LRRK1: variants seen among roughly 807,000 people sequenced by gnomAD.
LRRK1 encodes the protein leucine-rich repeat serine/threonine-protein kinase 1.
A neutral mutation model predicts 209.1 loss-of-function variants in LRRK1; 113 were observed. The observed-to-expected ratio is 0.54, with a 90% confidence interval of 0.46 to 0.63. The LOEUF is 0.63. LRRK1 is among the 30% of genes least tolerant of loss of function. The pLI is 0.00. For missense variants in LRRK1, 2,284 were observed against 2,632.2 expected (o/e 0.87, Z 2.89); for synonymous variants, 1,144 against 1,099.7 (o/e 1.04, Z -0.80).
intron 1 of LRRK1, among the ~76,000 whole-genome samples, chr15:100,921,086 T>A (rs1023105093): frequency 1.3e-5 from 2 of 152,180 alleles, no homozygotes; most frequent in Non-Finnish European, 2.9e-5. Context: ...GTACTCCTTC[T>A]TTATCTGTTT....
chr15:100,979,093 C>A (rs2031460231), intron 3 of LRRK1, among the ~76,000 whole-genome samples: 2 of 152,136 alleles, frequency 1.3e-5, no homozygotes, highest in African/African-American at 2.4e-5. Flanking sequence ...CAGTTTCAAT[C>A]ATCAATCAAT....
In LRRK1 at chr15:101,022,927, T is replaced by C. The variant is rs934136576; in HGVS notation, c.2067+330T>C. On this transcript the variant is annotated intron_variant, in intron 15 of 33. Coordinates refer to ENST00000388948, the MANE Select transcript of LRRK1 (RefSeq NM_024652.6). The surrounding 1 kb of genome is among the most constrained non-coding windows in gnomAD (Gnocchi z 4.0). Reference sequence around the variant, plus strand: ...CCCTGTATGTTTCTGTTATAGTTACTTGAGGCTCTGGGACAGTGGTTCTTA... The same window carrying C: ...CCCTGTATGTTTCTGTTATAGTTACCTGAGGCTCTGGGACAGTGGTTCTTA... 6.6e-6 allele frequency among the ~76,000 whole-genome samples: 1 copy of C among 152,130 alleles called. No homozygotes were observed. The highest frequency in any genetic ancestry group is 1.5e-5 in the Non-Finnish European group (1 of 68,006).
intron 2 of LRRK1, among the ~76,000 whole-genome samples, chr15:100,941,300 C>CTGTGTG (rs2042403868): frequency 4.2e-5 from 2 of 48,002 alleles, no homozygotes; most frequent in Non-Finnish European, 7.1e-5. Flanking sequence ...CTGTGTGTGT[C>CTGTGTG]TATGTGTGTG....
At chr15:101,021,818 T>C in intron 13 of LRRK1, 27 bp from the exon 14 acceptor site, 1 of 1,343,948 alleles carries the variant, frequency 7.4e-7, no homozygotes, top group Non-Finnish European at 1.1e-6. Flanking sequence ...GTGTGTATTC[T>C]CTCGTGGTGG....
chr15:100,926,025 A>C (rs1481972573), intron 2 of LRRK1, among the ~76,000 whole-genome samples: 1 of 152,112 alleles, frequency 6.6e-6, no homozygotes, highest in Non-Finnish European at 1.5e-5. Context: ...CAGTTGTTTG[A>C]GTGTTTTCAC....
At chr15:101,046,212 C>A in intron 21 of LRRK1, 60 bp downstream of exon 21, 1 of 1,547,860 alleles carries the variant, frequency 6.5e-7, no homozygotes, top group Non-Finnish European at 8.8e-7. Flanking sequence ...AGTTGTACCA[C>A]TGGGGGAGGG....
At chr15:100,962,390 C>T (rs983434664) in intron 2 of LRRK1, among the ~76,000 whole-genome samples, 2 of 151,984 alleles carry the variant, frequency 1.3e-5, no homozygotes, top group African/African-American at 2.4e-5. Context: ...ATCGGCTGGG[C>T]GTGGTGGCAA....
chr15:100,969,359 T>A (rs66958482), intron 2 of LRRK1, among the ~76,000 whole-genome samples: 35,953 of 152,146 alleles, frequency 0.24, 4,659 homozygotes, highest in East Asian at 0.51. Flanking sequence ...GTTTTCTGTG[T>A]CCCATGTAAG....
intron 2 of LRRK1, among the ~76,000 whole-genome samples, chr15:100,925,121 A>G (rs575663281): frequency 2.7e-4 from 41 of 152,332 alleles, no homozygotes; most frequent in Non-Finnish European, 4.9e-4. Context: ...ACACAAGTAC[A>G]ATGAGCATCT....
Position 101,024,723 on chromosome 15 carries a change from GTTA to G in LRRK1, c.2068-78_2068-76del. ...CAGACCCCCGAGTCCAGCCTCCAGA[GTTA>G]TCCGTTGTCTCCGTTTGATTGACTG... On this transcript the variant is annotated intron_variant, in intron 15 of 33. Transcript: ENST00000388948. The surrounding 1 kb of genome is among the most constrained non-coding windows in gnomAD (Gnocchi z 4.6). 6.8e-7 allele frequency: 1 copy of G among 1,464,730 alleles called. No individual in the cohort carries two copies. The allele number at this position is 1,464,730 out of a possible 1,614,324, so 90.7% of individuals were successfully genotyped here. A position where few individuals can be genotyped will look rare whatever the true frequency, so the allele number is the denominator to read the frequency against.
chr15:100,958,372 A>G (rs1401672715), intron 2 of LRRK1, among the ~76,000 whole-genome samples: 1 of 152,158 alleles, frequency 6.6e-6, no homozygotes, highest in Admixed American at 6.5e-5. Context: ...TTCCACTGGT[A>G]TATACTGTCC....
At chr15:100,941,356 G>C (rs1487575660) in intron 2 of LRRK1, among the ~76,000 whole-genome samples, 2 of 115,918 alleles carry the variant, frequency 1.7e-5, no homozygotes, top group African/African-American at 7.1e-5. Flanking sequence ...CTTTGTGTGT[G>C]TGTGTGTGTG....
intron 12 of LRRK1, among the ~76,000 whole-genome samples, chr15:101,017,883 C>T (rs1567235639): frequency 2.0e-5 from 3 of 151,710 alleles, no homozygotes; most frequent in African/African-American, 4.8e-5. Context: ...AAACACGATA[C>T]TAGATTACAA....
intron 3 of LRRK1, among the ~76,000 whole-genome samples, chr15:100,981,145 A>G (rs1596231897): frequency 6.6e-6 from 1 of 152,292 alleles, no homozygotes; most frequent in Non-Finnish European, 1.5e-5. Flanking sequence ...AATTTTTTCA[A>G]ATACTCACTA....
At chr15:101,026,433 C>T (rs2034036820) in intron 17 of LRRK1, among the ~76,000 whole-genome samples, 1 of 152,252 alleles carries the variant, frequency 6.6e-6, no homozygotes, top group Non-Finnish European at 1.5e-5. Context: ...ACGTGGGCAC[C>T]ACCCAACCAA....
At chr15:100,986,138 C>G (rs1051798420) in intron 4 of LRRK1, among the ~76,000 whole-genome samples, 2 of 152,106 alleles carry the variant, frequency 1.3e-5, no homozygotes, top group African/African-American at 4.8e-5. Context: ...CCCAGGAGTC[C>G]AAGGCTGCAG....
chr15:101,058,343 G>A (rs906517907), intron 29 of LRRK1, among the ~76,000 whole-genome samples: 14 of 152,198 alleles, frequency 9.2e-5, no homozygotes, highest in African/African-American at 3.4e-4. Flanking sequence ...TGGTTTTGTG[G>A]TTAAGAGATG....
In LRRK1 at chr15:101,068,499, G is replaced by A. The variant is rs572929272; in HGVS notation, c.5871-172G>A. On this transcript the variant is annotated intron_variant, in intron 33 of 33. Transcript: ENST00000388948. The stretch of plus-strand genomic sequence containing the variant: ...TTTATAAAGCCTAAGCCCACAGGCT[G>A]GCCACTGGGGAGAAGTGGTGCATCT... Among the ~76,000 whole-genome samples the A allele has an allele frequency of 5.3e-5, 8 of 152,284 alleles. No individual in the cohort carries two copies. The South Asian group carries it at 1.7e-3, about 32-fold the overall frequency.
chr15:100,989,417 T>C lies in LRRK1; in HGVS notation c.762+19T>C, dbSNP rs760757556. On this transcript the variant is annotated intron_variant, in intron 6 of 33. Coordinates refer to ENST00000388948, the MANE Select transcript of LRRK1 (RefSeq NM_024652.6). Reference sequence around the variant, plus strand: ...AAAAACAGTGAGTAGTCACTGCCTGTGGAGTGTGTTTTAGTTCCTTTTGTG... The same window carrying C: ...AAAAACAGTGAGTAGTCACTGCCTGCGGAGTGTGTTTTAGTTCCTTTTGTG... The C allele has an allele frequency of 3.0e-5, 49 of 1,613,374 alleles. No homozygotes were observed. The highest frequency in any genetic ancestry group is 4.2e-5 in the Non-Finnish European group (49 of 1,179,714).
Sources: allele counts gnomAD v4.1 joint callset (sites outside exome capture counted in the v4.1 genomes callset), GRCh38; gene constraint gnomAD v4.1.1; non-coding constraint Gnocchi (gnomAD v3.1); transcripts MANE v1.5; gene names NCBI Gene and HGNC (gene_info 2026-07-23, HGNC 2026-07-21).